The following ADGRB3 variants were observed in gnomAD, a reference collection of about 807,000 sequenced individuals.
ADGRB3 encodes the protein adhesion G protein-coupled receptor B3, also known as brain-specific angiogenesis inhibitor 3.
A neutral mutation model predicts 193.4 loss-of-function variants in ADGRB3; 37 were observed. The ratio of observed to expected loss-of-function variants is 0.19; its 90% CI spans 0.15 to 0.25. The LOEUF is 0.25. Ranked by LOEUF, ADGRB3 falls within the 10% of genes least tolerant of loss-of-function variation. The pLI, the probability that ADGRB3 is intolerant of heterozygous loss-of-function variation, is 1.00. For missense variants in ADGRB3, 1,637 were observed against 1,852.9 expected (o/e 0.88, Z 2.14); for synonymous variants, 690 against 644.2 (o/e 1.07, Z -1.08).
At chr6:69,357,224 A>G (rs1421664962) in intron 28 of ADGRB3, among the ~76,000 whole-genome samples, 1 of 152,064 alleles carries the variant, frequency 6.6e-6, no homozygotes, top group East Asian at 1.9e-4. Context: ...TACTTGTATT[A>G]ATGATTTGCA....
intron 10 of ADGRB3, among the ~76,000 whole-genome samples, chr6:68,993,200 TA>T (rs35185024): frequency 0.27 from 38,427 of 141,584 alleles, 5,112 homozygotes; most frequent in Middle Eastern, 0.45. Flanking sequence ...TGTTTTTTTT[TA>T]AAAAAAAAGC....
At chr6:68,944,961 C>G (rs1457679331) in intron 6 of ADGRB3, among the ~76,000 whole-genome samples, 1 of 152,110 alleles carries the variant, frequency 6.6e-6, no homozygotes, top group Non-Finnish European at 1.5e-5. Context: ...GCTGGGATCC[C>G]AGTACTGTTG....
chr6:69,049,320 C>T lies in ADGRB3; in HGVS notation c.2307C>T (p.Asn769=), dbSNP rs752329776. 3.7e-6 allele frequency: 6 copies of T among 1,608,496 alleles called. No homozygotes were observed. Among genetic ancestry groups the T allele is most frequent in the Non-Finnish European group, 5.1e-6 (6 of 1,176,900 alleles). Residue 769 remains asparagine (N), a synonymous_variant, in exon 15 of 32, where the codon AAC becomes AAT. Coordinates refer to ENST00000370598, the MANE Select transcript of ADGRB3 (RefSeq NM_001704.3). ...VFVLGAVLYK[N]LDLILPTLRN... is the part of the protein sequence containing the mutation. Reference sequence around the variant, plus strand: ...TTCTTGGCGCAGTCCTATACAAAAACTTAGATCTAATTTTGCCCACTTTGA... The same window carrying T: ...TTCTTGGCGCAGTCCTATACAAAAATTTAGATCTAATTTTGCCCACTTTGA...
rs562325573 is a variant in ADGRB3 at position 68,779,739 on chromosome 6, C to T, written c.757+140307C>T. 5.9e-5 allele frequency among the ~76,000 whole-genome samples: 9 copies of T among 152,158 alleles called. No homozygotes were observed. In the South Asian group the frequency reaches 1.9e-3, roughly 32 times the overall value. ...GAGAGGCTAAGAATTTTCTGAGAGT[C>T]ACACAGCATTTATTCATGCTACAGA... On this transcript the variant is annotated intron_variant, in intron 3 of 31. Transcript: ENST00000370598.
At chr6:69,284,777 G>T (rs1767513138) in intron 20 of ADGRB3, among the ~76,000 whole-genome samples, 1 of 151,700 alleles carries the variant, frequency 6.6e-6, no homozygotes, top group Non-Finnish European at 1.5e-5. Flanking sequence ...AATTTGTTTT[G>T]TTCTCCAGTT....
chr6:69,211,378 G>C lies in ADGRB3; in HGVS notation c.2481-21912G>C, dbSNP rs1765663918. Among the ~76,000 whole-genome samples, 3 of 152,090 alleles carry C rather than the reference G, an allele frequency of 2.0e-5. No homozygotes were observed. In the South Asian group the frequency reaches 6.2e-4, roughly 32 times the overall value. ...GTGGGCCATCTTTCTTCAGATTGTA[G>C]ATGAAAGACAATAAGATTTGGGCTT... On this transcript the variant is annotated intron_variant, in intron 17 of 31. Coordinates refer to ENST00000370598, the MANE Select transcript of ADGRB3 (RefSeq NM_001704.3).
chr6:68,883,347 A>C (rs1765788211), intron 3 of ADGRB3, among the ~76,000 whole-genome samples: 1 of 152,188 alleles, frequency 6.6e-6, no homozygotes, highest in Admixed American at 6.5e-5. Flanking sequence ...AAATGGGCCA[A>C]TCAGCAGGAT....
At chr6:68,966,174 C>T (rs1345743537) in intron 8 of ADGRB3, among the ~76,000 whole-genome samples, 3 of 152,200 alleles carry the variant, frequency 2.0e-5, no homozygotes, top group African/African-American at 7.2e-5. Context: ...TACATACAAT[C>T]AGCCATAGTG....
At chr6:68,993,738 A>G in intron 10 of ADGRB3, 30 bp from the exon 11 acceptor site, 1 of 1,579,324 alleles carries the variant, frequency 6.3e-7, no homozygotes, top group Non-Finnish European at 8.6e-7. Context: ...GAAGATTCTG[A>G]TGTTTGCTCT....
At chr6:68,883,302 A>G (rs971010367) in intron 3 of ADGRB3, among the ~76,000 whole-genome samples, 1 of 151,496 alleles carries the variant, frequency 6.6e-6, no homozygotes. Flanking sequence ...TGGACCAATC[A>G]GCTCTCTGTA....
intron 3 of ADGRB3, among the ~76,000 whole-genome samples, chr6:68,901,872 TG>T (rs772343301): frequency 8.5e-5 from 13 of 152,134 alleles, no homozygotes; most frequent in Admixed American, 1.3e-4. Flanking sequence ...AGTTAAGATT[TG>T]TTTTTTTCAA....
At chr6:68,802,183 C>CGT (rs9294808) in intron 3 of ADGRB3, among the ~76,000 whole-genome samples, 14,370 of 142,704 alleles carry the variant, frequency 0.1, 820 homozygotes, top group African/African-American at 0.18. Flanking sequence ...TGCACATATG[C>CGT]GTGTGTGTGT....
chr6:68,728,592 A>G (rs1293818645), intron 3 of ADGRB3, among the ~76,000 whole-genome samples: 1 of 151,538 alleles, frequency 6.6e-6, no homozygotes, highest in East Asian at 1.9e-4. Flanking sequence ...ACACACACGT[A>G]ATATGTAGGC....
chr6:68,775,458 T>G (rs1290300896), intron 3 of ADGRB3, among the ~76,000 whole-genome samples: 2 of 152,152 alleles, frequency 1.3e-5, no homozygotes, highest in African/African-American at 4.8e-5. Context: ...GGAATGTCAA[T>G]TTCTCTGTGC....
chr6:68,876,281 G>A (rs371580137), intron 3 of ADGRB3, among the ~76,000 whole-genome samples: 3 of 152,110 alleles, frequency 2.0e-5, no homozygotes, highest in East Asian at 3.9e-4. Flanking sequence ...TGTCTTGGTG[G>A]GATAGATGGA....
At chr6:69,037,041 G>T (rs1770891610) in intron 13 of ADGRB3, among the ~76,000 whole-genome samples, 1 of 152,126 alleles carries the variant, frequency 6.6e-6, no homozygotes, top group Admixed American at 6.6e-5. Context: ...GGCAGGTTAT[G>T]GTATGGAGAC....
chr6:69,126,815 C>T (rs1004924819), intron 17 of ADGRB3, among the ~76,000 whole-genome samples: 1 of 152,184 alleles, frequency 6.6e-6, no homozygotes, highest in African/African-American at 2.4e-5. Context: ...ACCTTTCCAA[C>T]TCTAAGCCGA....
intron 3 of ADGRB3, among the ~76,000 whole-genome samples, chr6:68,700,826 T>TG (rs1554176724): frequency 3.3e-5 from 2 of 60,126 alleles, no homozygotes; most frequent in Non-Finnish European, 6.1e-5. Context: ...TGTCGTAGGG[T>TG]GGGGGGAGGG....
intron 26 of ADGRB3, among the ~76,000 whole-genome samples, chr6:69,353,684 T>A (rs774401174): frequency 6.6e-6 from 1 of 152,220 alleles, no homozygotes; most frequent in Non-Finnish European, 1.5e-5. Context: ...GCTAAGGAGT[T>A]CCCAGCACTT....
Sources: gnomAD v4.1 joint callset for allele counts (sites outside exome capture counted in the v4.1 genomes callset) on GRCh38, gnomAD v4.1.1 for gene constraint, MANE v1.5 for transcripts, NCBI Gene and HGNC (gene_info 2026-07-23, HGNC 2026-07-21) for gene names.